Variants in MRTFB observed in about 807,000 individuals in gnomAD.
MRTFB encodes myocardin related transcription factor B, also known as myocardin-related transcription factor B.
MRTFB carries 29 observed loss-of-function variants against 104.2 expected under a neutral mutation model. That is an observed-to-expected ratio of 0.28 (90% CI 0.21 to 0.38). The LOEUF is 0.38. Ranked by LOEUF, MRTFB falls within the 10% of genes least tolerant of loss-of-function variation. The probability of loss-of-function intolerance (pLI) is 1.00; values close to 1 mark genes in which losing one functional copy is unlikely to be tolerated. For missense variants in MRTFB, 1,270 were observed against 1,341.6 expected, an observed-to-expected ratio of 0.95 and a Z score of 0.83; for synonymous variants, 535 against 519.5, an observed-to-expected ratio of 1.03 and a Z score of -0.41.
chr16:14,109,200 G>A (rs1204007486), intron 2 of MRTFB, among the ~76,000 whole-genome samples: 2 of 152,144 alleles, frequency 1.3e-5, no homozygotes, highest in East Asian at 3.8e-4. Context: ...AAGCTGTTGT[G>A]TAGTTCCTTC....
At chr16:14,217,024 ATG>A in intron 6 of MRTFB, 100 bp from the exon 7 acceptor site, 1 of 1,173,528 alleles carries the variant, frequency 8.5e-7, no homozygotes, top group East Asian at 2.5e-5. Context: ...GAACACAAAA[ATG>A]TGTCTAAATC....
chr16:14,224,962 G>A (rs9930779), intron 8 of MRTFB, among the ~76,000 whole-genome samples: 26,019 of 152,100 alleles, frequency 0.17, 5,606 homozygotes, highest in African/African-American at 0.5. Flanking sequence ...CAAAGCGAGC[G>A]GATCACCTGA....
chr16:14,120,223 C>T (rs2036774151), intron 2 of MRTFB, among the ~76,000 whole-genome samples: 1 of 152,216 alleles, frequency 6.6e-6, no homozygotes, highest in Admixed American at 6.5e-5. Context: ...CCATAGTTCA[C>T]ATATGTTCTC....
the MRTFB span, among the ~76,000 whole-genome samples, chr16:14,021,820 T>C: frequency 6.6e-6 from 1 of 152,236 alleles, no homozygotes; most frequent in African/African-American, 2.4e-5. Flanking sequence ...CACTCATTGA[T>C]TGATGGGTAT....
chr16:14,222,031 C>T (rs1015479810), intron 8 of MRTFB, among the ~76,000 whole-genome samples: 4 of 152,230 alleles, frequency 2.6e-5, no homozygotes, highest in South Asian at 2.1e-4. Flanking sequence ...CTGCCCACCT[C>T]GCCCTCCCAA....
At chr16:14,197,110 C>T (rs2151089468) in intron 3 of MRTFB, among the ~76,000 whole-genome samples, 1 of 151,720 alleles carries the variant, frequency 6.6e-6, no homozygotes, top group East Asian at 1.9e-4. Context: ...TCCCAAGCAG[C>T]TGGGATTACA....
At chr16:14,003,694 T>G in the MRTFB span, among the ~76,000 whole-genome samples, 26 of 135,834 alleles carry the variant, frequency 1.9e-4, no homozygotes, top group African/African-American at 6.8e-4. Context: ...TCCTCTACAC[T>G]TCTTTCCTTC....
intron 3 of MRTFB, among the ~76,000 whole-genome samples, chr16:14,191,463 C>T (rs1012150137): frequency 6.6e-5 from 10 of 152,202 alleles, no homozygotes; most frequent in Non-Finnish European, 1.2e-4. Context: ...TGTATCTGTA[C>T]CATTCTATGG....
chr16:14,056,945 T>C, the MRTFB span, among the ~76,000 whole-genome samples: 1 of 152,284 alleles, frequency 6.6e-6, no homozygotes, highest in Middle Eastern at 3.4e-3. Flanking sequence ...GACTGATGCT[T>C]AAATCCTGGT....
At chr16:14,049,996 G>A in the MRTFB span, among the ~76,000 whole-genome samples, 5 of 152,342 alleles carry the variant, frequency 3.3e-5, no homozygotes, top group East Asian at 9.6e-4. Context: ...GCCTTCCAAA[G>A]TGCTGGGATT....
chr16:14,187,158 T>A, intron 3 of MRTFB: 1 of 752,764 alleles, frequency 1.3e-6, no homozygotes, highest in Non-Finnish European at 2.1e-6. Context: ...ACCTTACACA[T>A]TCTAAGTTCT....
intron 2 of MRTFB, among the ~76,000 whole-genome samples, chr16:14,127,917 ATATATATATATATTTTTT>A (rs2037214305): frequency 2.0e-5 from 1 of 51,092 alleles, no homozygotes; most frequent in Non-Finnish European, 4.2e-5. Context: ...ATATATATAT[ATATATATATATATTTTTT>A]TTTTTTTTTT....
At chr16:14,106,926 A>G (rs1465423111) in intron 2 of MRTFB, among the ~76,000 whole-genome samples, 1 of 152,248 alleles carries the variant, frequency 6.6e-6, no homozygotes, top group African/African-American at 2.4e-5. Flanking sequence ...ATGGCTGCAT[A>G]CAGGTTTTCA....
chr16:14,009,326 A>G, the MRTFB span: 23 of 152,186 alleles, frequency 1.5e-4, 1 homozygote, highest in African/African-American at 2.4e-5. Flanking sequence ...TTTTCAACAT[A>G]TAGAAGAACT....
At chr16:14,119,904 G>A (rs1596938764) in intron 2 of MRTFB, among the ~76,000 whole-genome samples, 1 of 152,114 alleles carries the variant, frequency 6.6e-6, no homozygotes, top group Non-Finnish European at 1.5e-5. Flanking sequence ...TTCACTGGAC[G>A]TTGCCAGATC....
At chr16:14,037,365 C>T in the MRTFB span, among the ~76,000 whole-genome samples, 7 of 152,032 alleles carry the variant, frequency 4.6e-5, no homozygotes, top group African/African-American at 1.7e-4. Context: ...GCGGAGGTGT[C>T]GGAGGGAGGA....
intron 2 of MRTFB, among the ~76,000 whole-genome samples, chr16:14,085,131 A>G (rs923602322): frequency 2.6e-5 from 4 of 152,180 alleles, no homozygotes; most frequent in African/African-American, 7.2e-5. Context: ...AAAAAAGCCA[A>G]TTAAAAGTCA....
At chr16:14,173,180 T>C (rs781263661) in intron 3 of MRTFB, among the ~76,000 whole-genome samples, 18 of 152,200 alleles carry the variant, frequency 1.2e-4, no homozygotes, top group Non-Finnish European at 2.5e-4. Flanking sequence ...TTCTGTGTTT[T>C]TCCGGCTTGC....
intron 2 of MRTFB, among the ~76,000 whole-genome samples, chr16:14,090,296 T>C (rs1226644365): frequency 6.6e-6 from 1 of 152,218 alleles, no homozygotes; most frequent in African/African-American, 2.4e-5. Context: ...TAAACATCTT[T>C]TGTGTTTTCA....
Sources: allele counts gnomAD v4.1 joint callset (sites outside exome capture counted in the v4.1 genomes callset), GRCh38; gene constraint gnomAD v4.1.1; transcripts MANE v1.5; gene names NCBI Gene and HGNC (gene_info 2026-07-23, HGNC 2026-07-21).